Variants in HECW1 observed in about 807,000 individuals in gnomAD.
HECW1 encodes E3 ubiquitin-protein ligase HECW1.
A neutral mutation model predicts 182.3 loss-of-function variants in HECW1; 61 were observed. The observed-to-expected ratio is 0.33, with a 90% CI of 0.27 to 0.41. HECW1 has a LOEUF of 0.41. HECW1 is among the 10% of genes least tolerant of loss of function. The pLI is 1.00. For missense variants in HECW1, 1,739 were observed against 2,108.9 expected (o/e 0.82, Z 3.44); for synonymous variants, 859 against 832.6 (o/e 1.03, Z -0.55).
At chr7:43,393,467 T>G (rs1267885092) in intron 6 of HECW1, among the ~76,000 whole-genome samples, 3 of 152,256 alleles carry the variant, frequency 2.0e-5, no homozygotes, top group Admixed American at 6.5e-5. Flanking sequence ...CAAACCTTCC[T>G]AAGACTGGGC....
Position 43,445,525 on chromosome 7 carries a change from G to A in HECW1, c.2353G>A (p.Glu785Lys). The A allele has an allele frequency of 6.2e-7, 1 of 1,608,594 alleles. No homozygotes were observed. Among genetic ancestry groups the A allele is most frequent in the Non-Finnish European group, 8.5e-7 (1 of 1,176,792 alleles). ...TAGCGGGCACGTGGAAAGAAGCCCG[G>A]AAGGTCTGGAATCCCCCGTGGCAGG... ...APSGHVERSP[E>K]GLESPVAGPS... The change falls in exon 11 of 30, where the codon GAA becomes AAA. Residue 785 changes from glutamate to lysine, a missense_variant. By Grantham distance (56) the Glu-to-Lys change is moderately conservative. Around this residue, in one of 5 missense-constraint regions of HECW1, gnomAD observed 971 missense variants for 1,029.1 expected, o/e 0.94. Coordinates refer to ENST00000395891, the MANE Select transcript of HECW1 (RefSeq NM_015052.5).
intron 5 of HECW1, among the ~76,000 whole-genome samples, chr7:43,336,293 G>A (rs1812278562): frequency 6.6e-6 from 1 of 151,294 alleles, no homozygotes; most frequent in South Asian, 2.1e-4. Context: ...AGCCTCCTGA[G>A]TAGCTGGGAC....
chr7:43,285,611 A>G (rs1383757198), intron 3 of HECW1, among the ~76,000 whole-genome samples: 1 of 152,076 alleles, frequency 6.6e-6, no homozygotes, highest in Non-Finnish European at 1.5e-5. Flanking sequence ...GGAGTTTGAG[A>G]CCAGCCTGGG....
intron 6 of HECW1, among the ~76,000 whole-genome samples, chr7:43,392,192 A>G (rs977617845): frequency 6.6e-6 from 1 of 152,226 alleles, no homozygotes; most frequent in Non-Finnish European, 1.5e-5. Flanking sequence ...ATGAATTTTA[A>G]TCTCTGCCTC....
intron 17 of HECW1, among the ~76,000 whole-genome samples, chr7:43,488,503 A>AG (rs367834987): frequency 4.7e-5 from 7 of 150,270 alleles, no homozygotes; most frequent in African/African-American, 1.5e-4. Context: ...AGAAAGAAAG[A>AG]AAAGAAAAGA....
intron 3 of HECW1, among the ~76,000 whole-genome samples, chr7:43,296,969 G>T (rs1353929137): frequency 6.6e-6 from 1 of 152,208 alleles, no homozygotes. Context: ...AGACAGTGAT[G>T]GCCTCCTTCT....
At chr7:43,493,775 A>G (rs994126166) in intron 19 of HECW1, among the ~76,000 whole-genome samples, 2 of 152,192 alleles carry the variant, frequency 1.3e-5, no homozygotes, top group Admixed American at 6.5e-5. Context: ...TTTACTCTCC[A>G]ACGTTCCAAA....
intron 15 of HECW1, 88 bp from the exon 16 acceptor site, chr7:43,468,832 T>C: frequency 8.8e-7 from 1 of 1,141,140 alleles, no homozygotes. Context: ...ACAATCACAC[T>C]TAGCAGTGTT....
chr7:43,520,525 T>C (rs1443885479), intron 24 of HECW1, among the ~76,000 whole-genome samples: 3 of 152,222 alleles, frequency 2.0e-5, no homozygotes, highest in Non-Finnish European at 4.4e-5. Context: ...TTTCCTACCC[T>C]GAAAATCCAC....
intron 3 of HECW1, among the ~76,000 whole-genome samples, chr7:43,271,572 G>A (rs569257719): frequency 5.3e-5 from 8 of 152,128 alleles, no homozygotes; most frequent in Non-Finnish European, 7.4e-5. Context: ...CAAACTGAGA[G>A]CCAAATTAAG....
intron 26 of HECW1, among the ~76,000 whole-genome samples, chr7:43,544,208 A>G (rs977072648): frequency 2.6e-5 from 4 of 152,246 alleles, no homozygotes; most frequent in Non-Finnish European, 5.9e-5. Context: ...ATGACAAACT[A>G]TACTATAAAC....
intron 2 of HECW1, among the ~76,000 whole-genome samples, chr7:43,160,053 T>G (rs1379851864): frequency 2.6e-5 from 4 of 152,236 alleles, no homozygotes; most frequent in Non-Finnish European, 5.9e-5. Flanking sequence ...ATGAGCAAAT[T>G]AAACTATTGT....
chr7:43,281,115 G>T, intron 3 of HECW1, among the ~76,000 whole-genome samples: 1 of 152,164 alleles, frequency 6.6e-6, no homozygotes, highest in East Asian at 1.9e-4. Context: ...CATCACAGCA[G>T]TTCTGCACCC....
chr7:43,141,270 G>A (rs988324410), intron 2 of HECW1, among the ~76,000 whole-genome samples: 9 of 152,096 alleles, frequency 5.9e-5, no homozygotes, highest in African/African-American at 1.9e-4. Flanking sequence ...TGCCTCACCA[G>A]GGTGCCCACC....
intron 24 of HECW1, among the ~76,000 whole-genome samples, chr7:43,513,844 G>A (rs1383530674): frequency 1.3e-5 from 2 of 152,120 alleles, no homozygotes; most frequent in South Asian, 2.1e-4. Flanking sequence ...ATAATATTCA[G>A]GCCAAAGAGA....
At chr7:43,430,405 CAA>C (rs1401997067) in intron 8 of HECW1, among the ~76,000 whole-genome samples, 2 of 152,166 alleles carry the variant, frequency 1.3e-5, no homozygotes, top group Admixed American at 6.5e-5. Flanking sequence ...GTAAAAATTG[CAA>C]AGTTTATTGT....
At chr7:43,517,875 G>T (rs2080239636) in intron 24 of HECW1, among the ~76,000 whole-genome samples, 1 of 152,190 alleles carries the variant, frequency 6.6e-6, no homozygotes, top group South Asian at 2.1e-4. Context: ...GAATGTACGG[G>T]ATTGGTTGGG....
intron 8 of HECW1, among the ~76,000 whole-genome samples, chr7:43,417,874 A>G (rs905790994): frequency 1.3e-5 from 2 of 152,142 alleles, no homozygotes; most frequent in African/African-American, 4.8e-5. Flanking sequence ...ATTCCCAGGC[A>G]TGGTTTTTGT....
intron 2 of HECW1, among the ~76,000 whole-genome samples, chr7:43,178,994 A>G (rs1460537479): frequency 2.0e-5 from 3 of 152,260 alleles, no homozygotes; most frequent in Admixed American, 2.0e-4. Context: ...AATATTGTCT[A>G]GAGAAAAAAG....
Sources: allele counts gnomAD v4.1 joint callset (sites outside exome capture counted in the v4.1 genomes callset), GRCh38; gene constraint gnomAD v4.1.1; regional missense constraint gnomAD v4.1.1; transcripts MANE v1.5; gene names NCBI Gene and HGNC (gene_info 2026-07-23, HGNC 2026-07-21).